The following ADHFE1 variants were observed in gnomAD, a reference collection of about 807,000 sequenced individuals.
The protein encoded by ADHFE1 is alcohol dehydrogenase iron containing 1, also known as hydroxyacid-oxoacid transhydrogenase, mitochondrial.
A neutral mutation model predicts 54.8 loss-of-function variants in ADHFE1; 37 were observed. That is an observed-to-expected ratio of 0.68 (90% CI 0.52 to 0.89). The LOEUF (loss-of-function observed/expected upper bound fraction) is 0.89. Among genes scored for constraint, ADHFE1 ranks in the 40% least tolerant of loss-of-function variants. The pLI, the probability that ADHFE1 is intolerant of heterozygous loss-of-function variation, is 0.00. For missense variants in ADHFE1, 601 were observed against 591.2 expected, an observed-to-expected ratio of 1.02 and a Z score of -0.17; for synonymous variants, 203 against 229.3, an observed-to-expected ratio of 0.89 and a Z score of 1.04.
Position 66,439,801 on chromosome 8 carries a change from T to G in ADHFE1, c.60-361T>G, listed in dbSNP as rs1299491153. ...CAGAGTTAACCTTGGGCCGATTTGG[T>G]CAACGCTCCTAACCCAGTAAGAGCT... On this transcript the variant is annotated intron_variant, in intron 1 of 13. Transcript: ENST00000396623. The surrounding 1 kb of genome is among the most constrained non-coding windows in gnomAD (Gnocchi z 4.4). 15 of 1,078,270 alleles carry G rather than the reference T, an allele frequency of 1.4e-5. No homozygotes were observed. The highest frequency in any genetic ancestry group is 1.7e-5 in the Non-Finnish European group (15 of 887,604). The allele number at this position is 1,078,270 out of a possible 1,614,324, so 66.8% of individuals were successfully genotyped here.
chr8:66,434,937 C>T (rs1489941265), intron 1 of ADHFE1, among the ~76,000 whole-genome samples: 1 of 151,806 alleles, frequency 6.6e-6, no homozygotes, highest in Non-Finnish European at 1.5e-5. Flanking sequence ...AGAGATCAGG[C>T]CACTTCACTC....
In ADHFE1 at chr8:66,439,835, A is replaced by C; in HGVS notation, c.60-327A>C. 9.4e-7 allele frequency: 1 copy of C among 1,061,788 alleles called. No homozygotes were observed. Among genetic ancestry groups the C allele is most frequent in the African/African-American group, 1.6e-5 (1 of 60,624 alleles). The allele number at this position is 1,061,788 out of a possible 1,614,324, so 65.8% of individuals were successfully genotyped here. A position where few individuals can be genotyped will look rare whatever the true frequency, so the allele number is the denominator to read the frequency against. ...CTAACCCAGTAAGAGCTGGGGCTTC[A>C]TGGAGACCAGAGACCCCCATCTTAA... On this transcript the variant is annotated intron_variant, in intron 1 of 13. Transcript: ENST00000396623. This position sits in a 1 kb window ranked among gnomAD's most constrained non-coding sequence, Gnocchi z 4.4.
intron 1 of ADHFE1, among the ~76,000 whole-genome samples, chr8:66,435,679 C>T (rs1373731934): frequency 2.9e-5 from 4 of 138,924 alleles, no homozygotes; most frequent in Non-Finnish European, 6.0e-5. Context: ...GATGTGATCA[C>T]GGCTCACTGC....
chr8:66,458,233 A>G (rs1291482463), intron 12 of ADHFE1, among the ~76,000 whole-genome samples: 6 of 152,232 alleles, frequency 3.9e-5, no homozygotes, highest in African/African-American at 1.2e-4. Flanking sequence ...AAGGCTAAAA[A>G]GAAAACTTCA....
chr8:66,445,444 T>C (rs769262181), intron 6 of ADHFE1, 30 bp downstream of exon 6: 2 of 1,572,264 alleles, frequency 1.3e-6, no homozygotes, highest in South Asian at 1.2e-5. Flanking sequence ...TTGTTTGTTT[T>C]ATTTTGCAAT....
In ADHFE1 at chr8:66,468,446, T is replaced by A; in HGVS notation, c.*94T>A. On this transcript the variant is annotated 3_prime_UTR_variant, in exon 14 of 14. Transcript: ENST00000396623. ...GGCTTTGTCTTTTCATCTTTGCGCA[T>A]AACTTACCTGTTACCAGTATAGGTG... is the stretch of plus-strand genomic sequence containing the variant. The A allele has an allele frequency of 1.1e-6, 1 of 912,802 alleles. No homozygotes were observed. 56.5% of individuals were successfully genotyped at this position (912,802 alleles called of 1,614,324 possible).
At chr8:66,444,526 G>C (rs776127081) in intron 4 of ADHFE1, 68 bp from the exon 5 acceptor site, 1 of 1,608,000 alleles carries the variant, frequency 6.2e-7, no homozygotes, top group Admixed American at 1.7e-5. Context: ...AATGTACAAC[G>C]TGAGTTTGCC....
intron 7 of ADHFE1, among the ~76,000 whole-genome samples, chr8:66,448,226 A>T (rs1806128849): frequency 6.6e-6 from 1 of 152,244 alleles, no homozygotes; most frequent in South Asian, 2.1e-4. Flanking sequence ...GAATAAATTG[A>T]CATTTAACTG....
At position 66,432,586 on chromosome 8, in the gene ADHFE1, G is replaced by A; in HGVS notation, c.59+11G>A. The A allele has an allele frequency of 3.1e-6, 4 of 1,310,352 alleles. No homozygotes were observed. The Middle Eastern group carries it at 6.5e-4, about 212-fold the overall frequency. 81.2% of individuals were successfully genotyped at this position (1,310,352 alleles called of 1,614,324 possible). A position where few individuals can be genotyped will look rare whatever the true frequency, so the allele number is the denominator to read the frequency against. On this transcript the variant is annotated intron_variant, in intron 1 of 13. Transcript: ENST00000396623. ...ACTGCAACGCGCAGCGTGAGTGCGGGGCCGGCGGGCGGGCAGGGGACCGCA... is the reference window on the plus strand; with the variant it reads ...ACTGCAACGCGCAGCGTGAGTGCGGAGCCGGCGGGCGGGCAGGGGACCGCA...
intron 10 of ADHFE1, among the ~76,000 whole-genome samples, chr8:66,455,385 C>A (rs1381129669): frequency 6.6e-6 from 1 of 152,194 alleles, no homozygotes; most frequent in Non-Finnish European, 1.5e-5. Context: ...GAATTAATCT[C>A]TTTGATTGAA....
chr8:66,442,956 C>T, intron 3 of ADHFE1, 112 bp downstream of exon 3: 1 of 923,180 alleles, frequency 1.1e-6, no homozygotes, highest in Non-Finnish European at 1.6e-6. Flanking sequence ...AATTCACATT[C>T]CATAATCTCT....
At chr8:66,466,613 C>T (rs1227185006) in intron 13 of ADHFE1, among the ~76,000 whole-genome samples, 1 of 151,918 alleles carries the variant, frequency 6.6e-6, no homozygotes, top group Non-Finnish European at 1.5e-5. Flanking sequence ...AAATAAAGTC[C>T]CTTTTCTCCT....
chr8:66,466,687 T>A (rs1807209580), intron 13 of ADHFE1, among the ~76,000 whole-genome samples: 1 of 152,328 alleles, frequency 6.6e-6, no homozygotes. Context: ...GTAAATGAAA[T>A]CATTTCAGAT....
intron 3 of ADHFE1, among the ~76,000 whole-genome samples, chr8:66,443,702 C>A (rs1360792448): frequency 6.6e-6 from 1 of 152,116 alleles, no homozygotes; most frequent in East Asian, 1.9e-4. Flanking sequence ...CTCCACTCAA[C>A]CTTATAAGAT....
In ADHFE1 at chr8:66,451,996, A is replaced by G. The variant is rs1375430597; in HGVS notation, c.778A>G (p.Ser260Gly). The G allele has an allele frequency of 5.0e-6, 8 of 1,614,162 alleles. No individual in the cohort carries two copies. Among genetic ancestry groups the G allele is most frequent in the Non-Finnish European group, 6.8e-6 (8 of 1,180,010 alleles). ...CACCACCCTGCCCTACCACCTGCGG[A>G]GCCCCTGCCCTTCAAATCCCATCAC... Reference protein sequence around the residue: ...SYTTLPYHLRSPCPSNPITRP... With the variant: ...SYTTLPYHLRGPCPSNPITRP... Residue 260 changes from serine (S) to glycine (G), a missense_variant, in exon 9 of 14, where the codon AGC (serine) becomes GGC (glycine). By Grantham distance (56) the Ser-to-Gly change is moderately conservative (BLOSUM62 0). Transcript: ENST00000396623.
At chr8:66,452,989 A>C (rs1563491953) in intron 9 of ADHFE1, among the ~76,000 whole-genome samples, 1 of 152,238 alleles carries the variant, frequency 6.6e-6, no homozygotes, top group Non-Finnish European at 1.5e-5. Flanking sequence ...TCCACTGACA[A>C]AGGAGCCTTG....
Position 66,445,426 on chromosome 8 carries a change from T to A in ADHFE1, c.550+12T>A. 6.3e-7 allele frequency: 1 copy of A among 1,588,848 alleles called. No homozygotes were observed. The highest frequency in any genetic ancestry group is 8.5e-7 in the Non-Finnish European group (1 of 1,170,726). ...GCCTCTGATTGCAGGTAAAGACTGT[T>A]TATTTCTTTGTTTGTTTTATTTTGC... On this transcript the variant is annotated intron_variant, in intron 6 of 13. Transcript: ENST00000396623.
At position 66,439,041 on chromosome 8, in the gene ADHFE1, C is replaced by CCTGGT. The variant is rs1167236027; in HGVS notation, c.60-1117_60-1116insTCTGG. Among the ~76,000 whole-genome samples the CCTGGT allele has an allele frequency of 2.0e-5, 3 of 151,700 alleles. No individual in the cohort carries two copies. Among genetic ancestry groups the CCTGGT allele is most frequent in the Non-Finnish European group, 4.4e-5 (3 of 67,812 alleles). ...CCAAAGCCCACCGTGAAGGGACAAG[C>CCTGGT]CTGGCCTGGCCCGCGTCCTCTCCCC... On this transcript the variant is annotated intron_variant, in intron 1 of 13. Coordinates refer to ENST00000396623, the MANE Select transcript of ADHFE1 (RefSeq NM_144650.3). This position sits in a 1 kb window ranked among gnomAD's most constrained non-coding sequence, Gnocchi z 4.4.
At chr8:66,454,699 CT>C (rs1357006097) in intron 10 of ADHFE1, among the ~76,000 whole-genome samples, 1 of 151,818 alleles carries the variant, frequency 6.6e-6, no homozygotes, top group South Asian at 2.1e-4. Context: ...TACCAATTTA[CT>C]TTTTTTCTTT....
Sources: allele counts gnomAD v4.1 joint callset (sites outside exome capture counted in the v4.1 genomes callset), GRCh38; gene constraint gnomAD v4.1.1; non-coding constraint Gnocchi (gnomAD v3.1); transcripts MANE v1.5; gene names NCBI Gene and HGNC (gene_info 2026-07-23, HGNC 2026-07-21).